CENPP: variants seen among roughly 807,000 people sequenced by gnomAD.
The protein encoded by CENPP is centromere protein P.
CENPP carries 24 observed loss-of-function variants against 35.6 expected under a neutral mutation model. The observed-to-expected ratio is 0.67, with a 90% confidence interval of 0.49 to 0.95. CENPP has a LOEUF of 0.95. CENPP is among the 40% of genes least tolerant of loss of function. CENPP has a pLI of 0.00. For synonymous variants in CENPP, 120 were observed against 125.5 expected (o/e 0.96, Z 0.29); for missense variants, 332 against 345.3 (o/e 0.96, Z 0.31).
chr9:92,352,505 G>GTGTGTGTGTGTGTGTA, intron 4 of CENPP, among the ~76,000 whole-genome samples: 1 of 49,794 alleles, frequency 2.0e-5, no homozygotes, highest in Non-Finnish European at 3.3e-5. Flanking sequence ...GTGTGTGTGT[G>GTGTGTGTGTGTGTGTA]TATACATATA....
At chr9:92,543,240 G>A (rs1049430922) in intron 5 of CENPP, among the ~76,000 whole-genome samples, 2 of 152,140 alleles carry the variant, frequency 1.3e-5, no homozygotes, top group Non-Finnish European at 2.9e-5. Flanking sequence ...GGGAGGCCAA[G>A]GCAGGTGGAT....
chr9:92,579,557 G>A (rs1378883064), intron 5 of CENPP, among the ~76,000 whole-genome samples: 2 of 152,050 alleles, frequency 1.3e-5, no homozygotes, highest in Non-Finnish European at 2.9e-5. Flanking sequence ...TATTTTCTTT[G>A]AAGCAATTGT....
In CENPP at chr9:92,523,008, GAT is replaced by G. The variant is rs1445086361; in HGVS notation, c.565-88301_565-88300del. The G allele has an allele frequency of 4.1e-6, 4 of 986,954 alleles. No homozygotes were observed. In the East Asian group the frequency reaches 7.9e-5, roughly 20 times the overall value. 61.1% of individuals were successfully genotyped at this position (986,954 alleles called of 1,614,324 possible). A position where few individuals can be genotyped will look rare whatever the true frequency, so the allele number is the denominator to read the frequency against. ...CAAGTCTTTGAGAAATTACACTTAT[GAT>G]ATATGGACTATATGCTATAGTATTA... On this transcript the variant is annotated intron_variant, in intron 5 of 7. Coordinates refer to ENST00000375587, the MANE Select transcript of CENPP (RefSeq NM_001012267.3).
chr9:92,522,888 C>G, intron 5 of CENPP: 3 of 1,576,570 alleles, frequency 1.9e-6, no homozygotes, highest in Non-Finnish European at 2.6e-6. Flanking sequence ...TTCCACCAGC[C>G]AATTTCTAGA....
intron 5 of CENPP, among the ~76,000 whole-genome samples, chr9:92,436,376 A>G: frequency 6.6e-6 from 1 of 152,210 alleles, no homozygotes. Context: ...TCTTATCAGC[A>G]TCTTTCACAG....
intron 5 of CENPP, chr9:92,417,317 C>G: frequency 6.2e-7 from 1 of 1,613,856 alleles, no homozygotes; most frequent in Non-Finnish European, 8.5e-7. Flanking sequence ...CTTGAGTTTG[C>G]GATTATCACA....
chr9:92,500,044 T>A (rs192319260), intron 5 of CENPP, among the ~76,000 whole-genome samples: 15 of 152,362 alleles, frequency 9.8e-5, no homozygotes, highest in African/African-American at 3.4e-4. Flanking sequence ...GCAGTTTTAA[T>A]TTTAGCATAT....
At chr9:92,434,064 T>C (rs72752484) in intron 5 of CENPP, among the ~76,000 whole-genome samples, 4,709 of 152,280 alleles carry the variant, frequency 0.031, 114 homozygotes, top group South Asian at 0.084. Flanking sequence ...GAAGTCAGTA[T>C]ACAAAAATCC....
chr9:92,471,317 C>G (rs778639339), intron 5 of CENPP, among the ~76,000 whole-genome samples: 1 of 151,914 alleles, frequency 6.6e-6, no homozygotes, highest in Non-Finnish European at 1.5e-5. Flanking sequence ...CTGCCTCAGC[C>G]TCCTGAGTAG....
intron 5 of CENPP, among the ~76,000 whole-genome samples, chr9:92,582,439 G>T (rs990530353): frequency 3.9e-5 from 6 of 152,066 alleles, no homozygotes; most frequent in Admixed American, 6.6e-5. Context: ...GTCAATTGTG[G>T]GACATCCAGA....
At chr9:92,573,862 G>A (rs1010717976) in intron 5 of CENPP, among the ~76,000 whole-genome samples, 1 of 152,230 alleles carries the variant, frequency 6.6e-6, no homozygotes, top group Non-Finnish European at 1.5e-5. Context: ...TGTGCTAGCA[G>A]TGAGCGAGGC....
chr9:92,434,001 C>T (rs1267198013), intron 5 of CENPP, among the ~76,000 whole-genome samples: 1 of 152,136 alleles, frequency 6.6e-6, no homozygotes, highest in Non-Finnish European at 1.5e-5. Flanking sequence ...TTTGTGCTCA[C>T]CTTCCTTTAA....
rs1364143406 is a variant in CENPP, at chr9:92,616,657, T to C, written c.*3508T>C. The C allele has an allele frequency of 6.6e-6, 1 of 152,596 alleles. No individual in the cohort carries two copies. Among genetic ancestry groups the C allele is most frequent in the East Asian group, 1.9e-4 (1 of 5,208 alleles). The allele number at this position is 152,596 out of a possible 1,614,324, so 9.5% of individuals were successfully genotyped here. A position where few individuals can be genotyped will look rare whatever the true frequency, so the allele number is the denominator to read the frequency against. On this transcript the variant is annotated 3_prime_UTR_variant, in exon 8 of 8. Transcript: ENST00000375587. The stretch of plus-strand genomic sequence containing the variant: ...TATCTTCAGTCCTTTGTATTTTGCT[T>C]CTCAGGGCTTAGTTTTGTGGTTTTA...
intron 5 of CENPP, among the ~76,000 whole-genome samples, chr9:92,576,060 C>T (rs934887382): frequency 6.6e-6 from 1 of 152,294 alleles, no homozygotes; most frequent in Non-Finnish European, 1.5e-5. Flanking sequence ...CCTATGTTCA[C>T]AGCAGCATTA....
At chr9:92,389,994 A>G (rs143663646) in intron 5 of CENPP, 177 of 1,610,270 alleles carry the variant, frequency 1.1e-4, no homozygotes, top group Non-Finnish European at 1.4e-4. Context: ...GAAAGTTTTG[A>G]AAAAGTACCA....
chr9:92,501,150 C>G lies in CENPP; in HGVS notation c.565-110164C>G. The G allele has an allele frequency of 7.4e-6, 9 of 1,212,820 alleles. No homozygotes were observed. The South Asian group carries it at 1.3e-4, about 18-fold the overall frequency. 75.1% of individuals were successfully genotyped at this position (1,212,820 alleles called of 1,614,324 possible). ...GCCAGTCTCGATGCTGGTCCATTTT[C>G]CTATAAGCACCCAGTTTGTAGTGAT... On this transcript the variant is annotated intron_variant, in intron 5 of 7. Coordinates refer to ENST00000375587, the MANE Select transcript of CENPP (RefSeq NM_001012267.3).
chr9:92,585,876 T>C (rs1453949844), intron 5 of CENPP, among the ~76,000 whole-genome samples: 1 of 152,200 alleles, frequency 6.6e-6, no homozygotes, highest in Non-Finnish European at 1.5e-5. Flanking sequence ...GTTCTTGGTG[T>C]AGCTTGCTTG....
intron 5 of CENPP, among the ~76,000 whole-genome samples, chr9:92,450,794 G>A (rs1262221710): frequency 6.6e-6 from 1 of 152,128 alleles, no homozygotes; most frequent in East Asian, 1.9e-4. Flanking sequence ...CATTCTAACT[G>A]GTGTGAGATG....
At chr9:92,454,696 T>C (rs1844821773) in intron 5 of CENPP, among the ~76,000 whole-genome samples, 2 of 152,210 alleles carry the variant, frequency 1.3e-5, no homozygotes, top group African/African-American at 2.4e-5. Flanking sequence ...ATTTTTATCA[T>C]TTATTCTTCA....
Sources: allele counts gnomAD v4.1 joint callset (sites outside exome capture counted in the v4.1 genomes callset), GRCh38; gene constraint gnomAD v4.1.1; transcripts MANE v1.5; gene names NCBI Gene and HGNC (gene_info 2026-07-23, HGNC 2026-07-21).